The following C4BPA variants were observed in gnomAD, a reference collection of about 807,000 sequenced individuals.
C4BPA encodes C4b-binding protein alpha chain.
Under a neutral mutation model 63.7 loss-of-function variants are expected in C4BPA, and 31 were observed. The ratio of observed to expected loss-of-function variants is 0.49; its 90% confidence interval spans 0.37 to 0.66. The LOEUF (loss-of-function observed/expected upper bound fraction) is 0.66. C4BPA is among the 30% of genes least tolerant of loss of function. The pLI, the probability that C4BPA is intolerant of heterozygous loss-of-function variation, is 0.00. For synonymous variants in C4BPA, 259 were observed against 254.7 expected (o/e 1.02, Z -0.16); for missense variants, 572 against 723.3 (o/e 0.79, Z 2.40).
At chr1:207,123,299 G>A (rs1486299164) in intron 4 of C4BPA, among the ~76,000 whole-genome samples, 1 of 152,150 alleles carries the variant, frequency 6.6e-6, no homozygotes, top group African/African-American at 2.4e-5. Flanking sequence ...GGTGACATTT[G>A]CTTTAGTGTT....
chr1:207,104,973 C>T (rs948513419), intron 1 of C4BPA, among the ~76,000 whole-genome samples: 2 of 152,216 alleles, frequency 1.3e-5, no homozygotes, highest in Admixed American at 6.5e-5. Context: ...AGCTAGCAGT[C>T]TTAGTCGTCC....
intron 3 of C4BPA, 32 bp from the exon 4 acceptor site, chr1:207,115,384 A>C (rs766186483): frequency 8.7e-7 from 1 of 1,149,270 alleles, no homozygotes; most frequent in Non-Finnish European, 1.3e-6. Flanking sequence ...AGTACTTGGA[A>C]GTACTAATCA....
intron 1 of C4BPA, among the ~76,000 whole-genome samples, chr1:207,107,400 T>A (rs1348759009): frequency 1.3e-5 from 2 of 152,072 alleles, no homozygotes; most frequent in African/African-American, 4.8e-5. Context: ...AATTAAAAAA[T>A]TAGCTGGGTG....
At position 207,107,992 on chromosome 1, in the gene C4BPA, A is replaced by G. The variant is rs78495485; in HGVS notation, c.-26+3562A>G. 1.0e-2 allele frequency among the ~76,000 whole-genome samples: 1,523 copies of G among 152,340 alleles called. 23 individuals are homozygous for G. Among genetic ancestry groups the G allele is most frequent in the African/African-American group, 0.035 (1,451 of 41,578 alleles). The stretch of plus-strand genomic sequence containing the variant: ...TGGAGATTGTCACCTTCACTGAGAC[A>G]GAAAGCACAGATATTAAGTAGTGTT... On this transcript the variant is annotated intron_variant, in intron 1 of 11. Transcript: ENST00000367070.
chr1:207,134,456 G>C lies in C4BPA; in HGVS notation c.1137G>C (p.Arg379Ser). 1 of 1,613,864 alleles carries C rather than the reference G, an allele frequency of 6.2e-7. No homozygotes were observed. Among genetic ancestry groups the C allele is most frequent in the Non-Finnish European group, 8.5e-7 (1 of 1,179,812 alleles). The part of the protein sequence containing the change: ...KLNNGEITQH[R>S]KSRPANHCVY... ...ATAATGGTGAAATCACTCAACACAG[G>C]AAAAGTCGTCCTGCCAATCACTGTG... The change falls in exon 9 of 12, where the codon AGG becomes AGC. Residue 379 changes from arginine (R) to serine (S), a missense_variant. Arg to Ser is a moderately radical substitution (Grantham distance 110). Around this residue, in one of 2 missense-constraint regions of C4BPA, gnomAD observed 465 missense variants for 629.4 expected, o/e 0.74. Coordinates refer to ENST00000367070, the MANE Select transcript of C4BPA (RefSeq NM_000715.4).
At chr1:207,115,875 T>G (rs1024924473) in intron 4 of C4BPA, among the ~76,000 whole-genome samples, 1 of 152,206 alleles carries the variant, frequency 6.6e-6, no homozygotes, top group African/African-American at 2.4e-5. Flanking sequence ...CATTAATTTC[T>G]TTTTACAACT....
chr1:207,120,435 C>T (rs4425986), intron 4 of C4BPA, among the ~76,000 whole-genome samples: 66,035 of 152,002 alleles, frequency 0.43, 16,608 homozygotes, highest in East Asian at 0.67. Context: ...ACTCTTGCTG[C>T]GTCCCCCAGT....
intron 9 of C4BPA, among the ~76,000 whole-genome samples, chr1:207,135,062 C>A (rs983446113): frequency 6.6e-6 from 1 of 152,124 alleles, no homozygotes; most frequent in African/African-American, 2.4e-5. Flanking sequence ...GTGGGCCAGG[C>A]ATGGTGGCTC....
At chr1:207,107,744 A>G (rs1220946242) in intron 1 of C4BPA, among the ~76,000 whole-genome samples, 2 of 152,178 alleles carry the variant, frequency 1.3e-5, no homozygotes, top group Non-Finnish European at 2.9e-5. Context: ...TCAACATGGA[A>G]GCTGGCTTAT....
intron 7 of C4BPA, among the ~76,000 whole-genome samples, chr1:207,128,064 G>T (rs1186156312): frequency 1.3e-5 from 2 of 152,204 alleles, no homozygotes; most frequent in African/African-American, 4.8e-5. Context: ...AAGTGGGGCA[G>T]CTGGTAAGAA....
rs199891112 is a variant in C4BPA, at chr1:207,131,635, G to C, written c.979G>C (p.Val327Leu). ...TKEDVYVVGT[V>L]LRYRCHPGYK... ...AGAGGATGTGTATGTTGTTGGGACTGTGTTAAGGTACCGCTGTCATCCTGG... is the reference window on the plus strand; with the variant it reads ...AGAGGATGTGTATGTTGTTGGGACTCTGTTAAGGTACCGCTGTCATCCTGG... The change falls in exon 8 of 12, where the codon GTG becomes CTG. Residue 327 changes from valine to leucine, a missense_variant. Val to Leu is a conservative substitution (Grantham distance 32). Coordinates refer to ENST00000367070, the MANE Select transcript of C4BPA (RefSeq NM_000715.4). The C allele has an allele frequency of 3.1e-4, 505 of 1,613,424 alleles. 3 individuals carry two copies. Among genetic ancestry groups the C allele is most frequent in the Non-Finnish European group, 1.5e-5 (18 of 1,179,504 alleles).
At chr1:207,132,318 G>A (rs1311729090) in intron 8 of C4BPA, among the ~76,000 whole-genome samples, 1 of 152,162 alleles carries the variant, frequency 6.6e-6, no homozygotes, top group Non-Finnish European at 1.5e-5. Flanking sequence ...TTTATTTGTG[G>A]AAATGAGTGA....
chr1:207,123,364 A>G (rs1218363379), intron 4 of C4BPA, among the ~76,000 whole-genome samples: 2 of 152,180 alleles, frequency 1.3e-5, no homozygotes, highest in African/African-American at 4.8e-5. Flanking sequence ...ATCATTGATG[A>G]TTATCAATAT....
At chr1:207,114,422 T>G in intron 3 of C4BPA, 137 bp downstream of exon 3, 1 of 603,294 alleles carries the variant, frequency 1.7e-6, no homozygotes, top group Non-Finnish European at 2.7e-6. Flanking sequence ...ACTTGTGGCA[T>G]TTTTTGAAAA....
intron 4 of C4BPA, among the ~76,000 whole-genome samples, chr1:207,123,432 A>G (rs1420715662): frequency 6.6e-6 from 1 of 152,200 alleles, no homozygotes; most frequent in East Asian, 1.9e-4. Flanking sequence ...CTGTTAGCAT[A>G]AGATAGAGGG....
intron 9 of C4BPA, among the ~76,000 whole-genome samples, chr1:207,139,470 G>A (rs1305337188): frequency 1.3e-5 from 2 of 152,136 alleles, no homozygotes; most frequent in African/African-American, 4.8e-5. Flanking sequence ...TTGCCTTGGG[G>A]AGAGGGTGAG....
Position 207,144,029 on chromosome 1 carries a change from G to A in C4BPA, c.1620+36G>A, listed in dbSNP as rs139315264. 5.8e-5 allele frequency: 87 copies of A among 1,500,654 alleles called. No individual in the cohort carries two copies. The African/African-American group carries it at 7.7e-4, about 13-fold the overall frequency. 93.0% of individuals were successfully genotyped at this position (1,500,654 alleles called of 1,614,324 possible). ...CAATTCAAGGAAGTTCTGTGCTGTC[G>A]ACCCCTAAAAATGGTGGCATCCCCC... On this transcript the variant is annotated intron_variant, in intron 11 of 11. Coordinates refer to ENST00000367070, the MANE Select transcript of C4BPA (RefSeq NM_000715.4).
At chr1:207,140,112 C>T (rs1177372433) in intron 9 of C4BPA, among the ~76,000 whole-genome samples, 1 of 152,186 alleles carries the variant, frequency 6.6e-6, no homozygotes, top group Non-Finnish European at 1.5e-5. Flanking sequence ...GCTTCTGAGG[C>T]ATATGAGCAG....
At chr1:207,138,049 G>T (rs570072717) in intron 9 of C4BPA, among the ~76,000 whole-genome samples, 1 of 152,346 alleles carries the variant, frequency 6.6e-6, no homozygotes, top group East Asian at 1.9e-4. Flanking sequence ...TGCCTTGGCC[G>T]AGAGGAAGGG....
Sources: allele counts gnomAD v4.1 joint callset (sites outside exome capture counted in the v4.1 genomes callset), GRCh38; gene constraint gnomAD v4.1.1; regional missense constraint gnomAD v4.1.1; transcripts MANE v1.5; gene names NCBI Gene and HGNC (gene_info 2026-07-23, HGNC 2026-07-21).